MTERF4: variants seen among roughly 807,000 people sequenced by gnomAD.
MTERF4 encodes mitochondrial transcription termination factor 4, also known as transcription termination factor 4, mitochondrial.
Under a neutral mutation model 22.5 loss-of-function variants are expected in MTERF4, and 17 were observed. The ratio of observed to expected loss-of-function variants is 0.75; its 90% CI spans 0.52 to 1.13. The LOEUF (loss-of-function observed/expected upper bound fraction) is 1.13, where lower values mean the gene tolerates loss of function less well. Among genes scored for constraint, MTERF4 ranks in the 50% most tolerant of loss-of-function variants. The pLI is 0.00. For synonymous variants in MTERF4, 165 were observed against 175.3 expected (o/e 0.94, Z 0.47); for missense variants, 420 against 466.8 (o/e 0.90, Z 0.92).
Position 241,096,608 on chromosome 2 carries a change from C to A in MTERF4, c.706-170G>T. On this transcript the variant is annotated intron_variant, in intron 3 of 3. Coordinates refer to ENST00000391980, the MANE Select transcript of MTERF4 (RefSeq NM_182501.4). This position sits in a 1 kb window ranked among gnomAD's most constrained non-coding sequence, Gnocchi z 5.1. ...ACATTTGTGTGACAGCCAGCAGTTT[C>A]AAAACACTTTCAAATTCATCCTGAG... 47 of 732,374 alleles carry A rather than the reference C, an allele frequency of 6.4e-5. No homozygotes were observed. Among genetic ancestry groups the A allele is most frequent in the Non-Finnish European group, 8.0e-5 (33 of 410,562 alleles). The allele number at this position is 732,374 out of a possible 1,614,324, so 45.4% of individuals were successfully genotyped here.
the MTERF4 span, among the ~76,000 whole-genome samples, chr2:241,048,073 T>C: frequency 6.6e-6 from 1 of 152,232 alleles, no homozygotes; most frequent in Non-Finnish European, 1.5e-5. Context: ...CTTCTTGTTC[T>C]GTCCAATCCT....
the MTERF4 span, among the ~76,000 whole-genome samples, chr2:241,054,269 C>G: frequency 1.3e-5 from 2 of 152,160 alleles, no homozygotes; most frequent in Non-Finnish European, 2.9e-5. Context: ...ATCGAGACAC[C>G]TGAAAAGTAC....
chr2:241,062,929 G>A, the MTERF4 span: 1 of 1,442,330 alleles, frequency 6.9e-7, no homozygotes, highest in Non-Finnish European at 9.5e-7. Flanking sequence ...GGCCCCGCTG[G>A]GGTGACAGCT....
chr2:241,048,039 C>A, the MTERF4 span, among the ~76,000 whole-genome samples: 9 of 151,834 alleles, frequency 5.9e-5, no homozygotes, highest in African/African-American at 2.2e-4. Context: ...TTGTTCTGTC[C>A]AATCCTGGGT....
At chr2:241,087,640 T>C, downstream of MTERF4, 1 of 1,427,818 alleles carries the variant, frequency 7.0e-7, no homozygotes, top group East Asian at 2.5e-5. Flanking sequence ...CGAAACTGTA[T>C]GTCCATATAT....
the MTERF4 span, chr2:241,053,043 G>A: frequency 9.6e-7 from 1 of 1,044,962 alleles, no homozygotes; most frequent in Non-Finnish European, 1.4e-6. Flanking sequence ...GAAGGGCAGT[G>A]TGGGAGCAGG....
At chr2:241,086,884 A>G (rs148250625), downstream of MTERF4, among the ~76,000 whole-genome samples, 32 of 152,396 alleles carry the variant, frequency 2.1e-4, no homozygotes, top group South Asian at 1.4e-3. Flanking sequence ...ACCGAGGCTT[A>G]AAACTTGAAG....
chr2:241,065,237 C>T, the MTERF4 span: 1 of 1,562,942 alleles, frequency 6.4e-7, no homozygotes, highest in Non-Finnish European at 8.7e-7. Context: ...CCGACGGGAG[C>T]CAGGCATGCA....
At chr2:241,052,907 GA>G in the MTERF4 span, among the ~76,000 whole-genome samples, 2 of 152,032 alleles carry the variant, frequency 1.3e-5, no homozygotes, top group African/African-American at 4.8e-5. Flanking sequence ...GAGAGGGCTA[GA>G]GGGGGGTCAA....
At chr2:241,060,341 C>G in the MTERF4 span, among the ~76,000 whole-genome samples, 32 of 152,162 alleles carry the variant, frequency 2.1e-4, no homozygotes. Context: ...CACCACCATA[C>G]CCAGCTAATT....
the MTERF4 span, among the ~76,000 whole-genome samples, chr2:241,057,412 T>TATATATATATATATATGC: frequency 3.9e-5 from 5 of 129,368 alleles, no homozygotes; most frequent in African/African-American, 1.5e-4. Context: ...TATATATATA[T>TATATATATATATATATGC]GCCATACGCA....
chr2:241,084,727 C>T (rs572563919), downstream of MTERF4, among the ~76,000 whole-genome samples: 7 of 152,282 alleles, frequency 4.6e-5, no homozygotes, highest in Admixed American at 6.5e-5. Context: ...ACTCTTCATT[C>T]CTTTTTGTAG....
chr2:241,051,527 C>T, the MTERF4 span: 1 of 432,246 alleles, frequency 2.3e-6, no homozygotes, highest in African/African-American at 2.0e-5. The surrounding 1 kb of genome is among the most constrained non-coding windows in gnomAD (Gnocchi z 4.7). Flanking sequence ...AGCAAAGGGC[C>T]CACCTGTGAC....
At chr2:241,059,704 A>G in the MTERF4 span, among the ~76,000 whole-genome samples, 1 of 152,262 alleles carries the variant, frequency 6.6e-6, no homozygotes, top group Non-Finnish European at 1.5e-5. Flanking sequence ...GATGCAGGAA[A>G]TTATTTGACA....
chr2:241,068,023 C>T (rs1268814067), downstream of MTERF4: 23 of 1,352,612 alleles, frequency 1.7e-5, no homozygotes, highest in East Asian at 4.1e-4. This position sits in a 1 kb window ranked among gnomAD's most constrained non-coding sequence, Gnocchi z 5.3. Flanking sequence ...GCCCAGGTCT[C>T]GGGCACATTC....
downstream of MTERF4, chr2:241,088,237 T>C (rs1172398383): frequency 2.8e-6 from 2 of 724,222 alleles, no homozygotes; most frequent in Non-Finnish European, 5.0e-6. Context: ...GGACTAATGG[T>C]GTCCCCCACC....
chr2:241,076,438 A>T lies in MTERF4; in HGVS notation n.480-756T>A, dbSNP rs568113897. On this transcript the variant is annotated intron_variant and non_coding_transcript_variant, in intron 4 of 4. Transcript: ENST00000464344. ...ACTTTTCCTGATTATTTATTACTGGAGTATAGATATTTATTTGACCTTTGC... is the reference window on the plus strand; with the variant it reads ...ACTTTTCCTGATTATTTATTACTGGTGTATAGATATTTATTTGACCTTTGC... 2.3e-3 allele frequency among the ~76,000 whole-genome samples: 345 copies of T among 152,284 alleles called. 1 individual carries two copies. Among genetic ancestry groups the T allele is most frequent in the African/African-American group, 7.7e-3 (321 of 41,538 alleles).
chr2:241,097,257 C>T lies in MTERF4; in HGVS notation c.691G>A (p.Glu231Lys). 6.2e-7 allele frequency: 1 copy of T among 1,613,948 alleles called. No individual in the cohort carries two copies. ...GTCATTCTCACCTGAAACTTGTATT[C>T]CAGTTGACCCAGGTCCTCTCGAAGA... ...SVLREDLGQL[E>K]YKFQYAYFRM... Residue 231 changes from glutamate to lysine, a missense_variant, in exon 3 of 4, where the codon GAA (glutamate) becomes AAA (lysine). Coordinates refer to ENST00000391980, the MANE Select transcript of MTERF4 (RefSeq NM_182501.4).
chr2:241,082,692 T>C (rs2063386077), downstream of MTERF4, among the ~76,000 whole-genome samples: 1 of 152,100 alleles, frequency 6.6e-6, no homozygotes, highest in Non-Finnish European at 1.5e-5. Flanking sequence ...CTTCCTCTCT[T>C]CTCTTCCTCA....
Sources: allele counts gnomAD v4.1 joint callset (sites outside exome capture counted in the v4.1 genomes callset), GRCh38; gene constraint gnomAD v4.1.1; non-coding constraint Gnocchi (gnomAD v3.1); transcripts MANE v1.5; gene names NCBI Gene and HGNC (gene_info 2026-07-23, HGNC 2026-07-21).